PLAC1: variants seen among roughly 807,000 people sequenced by gnomAD.
PLAC1 encodes placenta-specific protein 1.
For synonymous variants in PLAC1, 68 were observed against 62.1 expected, an observed-to-expected ratio of 1.09 and a Z score of -0.44; for missense variants, 136 against 163.2, an observed-to-expected ratio of 0.83 and a Z score of 0.91.
At chrX:134,572,156 T>C (rs1326637911) in intron 2 of PLAC1, among the ~76,000 whole-genome samples, 2 of 111,638 alleles carry the variant, frequency 1.8e-5, no homozygotes, top group African/African-American at 6.5e-5. Context: ...ATAAAGATTC[T>C]TTTACAAGAC....
chrX:134,735,126 G>C (rs979507522), intron 1 of PLAC1, among the ~76,000 whole-genome samples: 1 of 111,635 alleles, frequency 9.0e-6, no homozygotes, highest in Non-Finnish European at 1.9e-5. Context: ...TTCGCACTAA[G>C]AACTTTTGTT....
intron 1 of PLAC1, among the ~76,000 whole-genome samples, chrX:134,758,777 T>C (rs2078762980): frequency 9.0e-6 from 1 of 111,399 alleles, no homozygotes; most frequent in Non-Finnish European, 1.9e-5. Context: ...AAAACAAAAA[T>C]AGGCAAATCA....
intron 1 of PLAC1, among the ~76,000 whole-genome samples, chrX:134,606,828 T>C (rs751688974): frequency 1.2e-4 from 13 of 111,184 alleles, no homozygotes; most frequent in Non-Finnish European, 2.1e-4. Context: ...CAGTGGTGGA[T>C]TGGATAAAGA....
chrX:134,762,771 G>A lies in PLAC1; in HGVS notation n.89+1463C>T, dbSNP rs771628165. Among the ~76,000 whole-genome samples, 36 of 90,317 alleles carry A rather than the reference G, an allele frequency of 4.0e-4. No homozygotes were observed. The South Asian group carries it at 6.2e-3, about 16-fold the overall frequency. 78.4% of individuals were successfully genotyped at this position (90,317 alleles called of 115,157 possible). A position where few individuals can be genotyped will look rare whatever the true frequency, so the allele number is the denominator to read the frequency against. Reference sequence around the variant, plus strand: ...CGGGCAGCAGAGGTTGCGGTGAGCCGAGATCATGCCACTGCACTCCAGCCT... The same window carrying A: ...CGGGCAGCAGAGGTTGCGGTGAGCCAAGATCATGCCACTGCACTCCAGCCT... On this transcript the variant is annotated intron_variant and non_coding_transcript_variant, in intron 1 of 2. Transcript: ENST00000466797.
chrX:134,682,331 T>C (rs1243033779), intron 2 of PLAC1, among the ~76,000 whole-genome samples: 3 of 112,166 alleles, frequency 2.7e-5, no homozygotes, highest in Non-Finnish European at 3.8e-5. Flanking sequence ...GCAGGAACTT[T>C]GAAGAATAGG....
At chrX:134,734,364 C>CG (rs202020481) in intron 1 of PLAC1, among the ~76,000 whole-genome samples, 2,899 of 112,605 alleles carry the variant, frequency 0.026, 89 homozygotes, top group African/African-American at 0.087. Context: ...CGCATGGGGC[C>CG]GGGGGGCTCC....
intron 1 of PLAC1, among the ~76,000 whole-genome samples, chrX:134,650,590 A>G (rs2078357525): frequency 8.9e-6 from 1 of 112,099 alleles, no homozygotes; most frequent in Admixed American, 9.5e-5. Context: ...TGTCGTGTCC[A>G]CAGCACCCAA....
At chrX:134,722,344 G>T (rs2078660697) in intron 2 of PLAC1, among the ~76,000 whole-genome samples, 1 of 112,555 alleles carries the variant, frequency 8.9e-6, no homozygotes. Context: ...TATTATTCAG[G>T]TATAAAAAGG....
intron 2 of PLAC1, among the ~76,000 whole-genome samples, chrX:134,574,057 C>T (rs1241857018): frequency 9.5e-6 from 1 of 105,151 alleles, no homozygotes; most frequent in Non-Finnish European, 1.9e-5. Context: ...GATAAATTTT[C>T]TCTCTCTCTC....
intron 1 of PLAC1, among the ~76,000 whole-genome samples, chrX:134,637,462 G>A (rs972851536): frequency 7.2e-5 from 8 of 111,622 alleles, no homozygotes; most frequent in East Asian, 2.8e-4. Context: ...CACCACTATC[G>A]TCACCATAAC....
At chrX:134,617,435 T>C (rs1438698927) in intron 1 of PLAC1, among the ~76,000 whole-genome samples, 1 of 112,157 alleles carries the variant, frequency 8.9e-6, no homozygotes, top group African/African-American at 3.2e-5. Context: ...TTCCAGTTTT[T>C]CCCCATTGAT....
chrX:134,715,143 C>T (rs147376614), intron 2 of PLAC1, among the ~76,000 whole-genome samples: 2,438 of 111,696 alleles, frequency 0.022, 67 homozygotes, highest in African/African-American at 0.074. Flanking sequence ...GTGTTATCCT[C>T]ATTTGACAGA....
intron 2 of PLAC1, among the ~76,000 whole-genome samples, chrX:134,676,527 G>A (rs1472755832): frequency 8.9e-6 from 1 of 112,003 alleles, no homozygotes; most frequent in Non-Finnish European, 1.9e-5. Context: ...ATACCAGGAT[G>A]TGTTCCTGCA....
intron 1 of PLAC1, among the ~76,000 whole-genome samples, chrX:134,735,465 G>C (rs1167730174): frequency 9.0e-6 from 1 of 111,203 alleles, no homozygotes; most frequent in African/African-American, 3.3e-5. Flanking sequence ...AAGAACTGGA[G>C]AAAGAATTAG....
intron 1 of PLAC1, among the ~76,000 whole-genome samples, chrX:134,634,857 T>C (rs1330178841): frequency 1.8e-5 from 2 of 112,412 alleles, no homozygotes; most frequent in Non-Finnish European, 3.7e-5. Context: ...TGTAGACATA[T>C]GTTTTCACTT....
chrX:134,605,619 G>A, intron 1 of PLAC1: 1 of 112,641 alleles, frequency 8.9e-6, no homozygotes, highest in Non-Finnish European at 1.9e-5. Flanking sequence ...ATCATTGAGT[G>A]ACCTGAAGTG....
intron 1 of PLAC1, among the ~76,000 whole-genome samples, chrX:134,737,785 C>T (rs1039719532): frequency 1.8e-5 from 2 of 112,439 alleles, no homozygotes; most frequent in South Asian, 7.3e-4. Context: ...GTGGGGGCGC[C>T]GAAAGGAAAG....
chrX:134,644,509 T>C (rs2124428790), intron 1 of PLAC1, among the ~76,000 whole-genome samples: 1 of 110,720 alleles, frequency 9.0e-6, no homozygotes, highest in East Asian at 2.9e-4. Flanking sequence ...GGTAAACGTG[T>C]GCCATGGTGG....
chrX:134,722,979 CAAA>C (rs745727243), intron 2 of PLAC1, among the ~76,000 whole-genome samples: 1 of 82,522 alleles, frequency 1.2e-5, no homozygotes. Flanking sequence ...GACTTTGTCT[CAAA>C]AAAAAAAAAA....
Sources: gnomAD v4.1 joint callset for allele counts (sites outside exome capture counted in the v4.1 genomes callset) on GRCh38, gnomAD v4.1.1 for gene constraint, MANE v1.5 for transcripts, NCBI Gene and HGNC (gene_info 2026-07-23, HGNC 2026-07-21) for gene names.